SLX4: variants seen among roughly 807,000 people sequenced by gnomAD.
SLX4 encodes SLX4 structure-specific endonuclease subunit.
In SLX4, 112 loss-of-function variants were observed where a neutral mutation model predicts 146.2. The observed-to-expected ratio is 0.77, with a 90% CI of 0.66 to 0.90. The LOEUF (loss-of-function observed/expected upper bound fraction) is 0.90. Ranked by LOEUF, SLX4 falls within the 40% of genes least tolerant of loss-of-function variation. The pLI is 0.00. For synonymous variants in SLX4, 1,061 were observed against 997.7 expected (o/e 1.06, Z -1.20); for missense variants, 2,563 against 2,392.7 (o/e 1.07, Z -1.49).
At position 3,592,721 on chromosome 16, in the gene SLX4, C is replaced by G. The variant is rs150712805; in HGVS notation, c.2305G>C (p.Glu769Gln). The G allele has an allele frequency of 1.8e-3, 2,859 of 1,613,316 alleles. 3 individuals are homozygous for G. The highest frequency in any genetic ancestry group is 2.2e-3 in the Non-Finnish European group (2,608 of 1,179,988). Residue 769 changes from glutamate to glutamine, a missense_variant, in exon 11 of 15, where the codon GAG becomes CAG. Coordinates refer to ENST00000294008, the MANE Select transcript of SLX4 (RefSeq NM_032444.4). ...GACCTGTGGGCCAGGGAGCTCAGCT[C>G]AGAGCTAAGGCCAGGAGGAAGGCCA... is the stretch of plus-strand genomic sequence containing the variant. ...DTGLPPGLSSELSSLAHRFGV... is the reference protein window; with the variant it reads ...DTGLPPGLSSQLSSLAHRFGV...
At position 3,591,063 on chromosome 16, in the gene SLX4, C is replaced by T. The variant is rs1207222471; in HGVS notation, c.2575G>A (p.Ala859Thr). Residue 859 changes from alanine to threonine, a missense_variant, in exon 12 of 15, where the codon GCT becomes ACT. Transcript: ENST00000294008. ...AEMEEIYEFA[A>T]TQRKLLQEER... ...TCCTGGAGAAGCTTTCGCTGAGTAG[C>T]TGCAAATTCATAAATTTCTTCCATT... 1 of 1,614,186 alleles carries T rather than the reference C, an allele frequency of 6.2e-7. No homozygotes were observed. The highest frequency in any genetic ancestry group is 1.3e-5 in the African/African-American group (1 of 75,058).
At position 3,583,108 on chromosome 16, in the gene SLX4, C is replaced by T; in HGVS notation, c.5142G>A (p.Leu1714=). Residue 1714 remains leucine, a synonymous_variant, in exon 14 of 15, where the codon TTG becomes TTA. Transcript: ENST00000294008. Reference sequence around the variant, plus strand: ...ATCCATCCGGTTACCTCTGTGAGCTCAAGGAGCTGTCACTGCCATCCACAG... The same window carrying T: ...ATCCATCCGGTTACCTCTGTGAGCTTAAGGAGCTGTCACTGCCATCCACAG... ...ATSVDGSDSS[L]SSQSSSSCEF... 1.2e-6 allele frequency: 2 copies of T among 1,614,254 alleles called. No individual in the cohort carries two copies.
At chr16:3,601,786 T>C (rs2040729708) in intron 4 of SLX4, 1 of 359,548 alleles carries the variant, frequency 2.8e-6, no homozygotes. Context: ...TGTTGATTAG[T>C]GGTTGTCAGG....
intron 3 of SLX4, among the ~76,000 whole-genome samples, chr16:3,603,159 T>C (rs1372957944): frequency 1.3e-5 from 2 of 152,180 alleles, no homozygotes; most frequent in African/African-American, 4.8e-5. Flanking sequence ...GTCCAAGCGA[T>C]TCTCCTGCCT....
chr16:3,601,737 CTG>C (rs1490043832), intron 4 of SLX4: 7 of 324,094 alleles, frequency 2.2e-5, no homozygotes, highest in Non-Finnish European at 3.0e-5. Context: ...AAAAGGACAA[CTG>C]TGCAATTTCA....
chr16:3,602,805 A>G (rs1308191545), intron 3 of SLX4, among the ~76,000 whole-genome samples: 1 of 152,200 alleles, frequency 6.6e-6, no homozygotes, highest in Non-Finnish European at 1.5e-5. Context: ...ACCAGGGCAG[A>G]GTGAAATGCC....
chr16:3,609,917 A>T (rs183718808), intron 1 of SLX4, among the ~76,000 whole-genome samples: 3 of 152,286 alleles, frequency 2.0e-5, no homozygotes, highest in East Asian at 1.9e-4. Flanking sequence ...CTGATCTAAG[A>T]CCCCTGGCTG....
At chr16:3,593,337 G>T (rs576321445) in intron 10 of SLX4, among the ~76,000 whole-genome samples, 1 of 152,342 alleles carries the variant, frequency 6.6e-6, no homozygotes, top group Admixed American at 6.5e-5. Context: ...GCCTCCCAAA[G>T]TGCTGGGATT....
chr16:3,610,164 G>A (rs2040837450), intron 1 of SLX4, among the ~76,000 whole-genome samples: 2 of 152,182 alleles, frequency 1.3e-5, no homozygotes, highest in Non-Finnish European at 2.9e-5. Flanking sequence ...ATGACCCAAT[G>A]GCAGAAAGTT....
rs1369944514 is a variant in SLX4, at chr16:3,591,044, A to C, written c.2594T>G (p.Leu865Arg). Reference protein sequence around the residue: ...YEFAATQRKLLQEERAAGAGE... With the variant: ...YEFAATQRKLRQEERAAGAGE... ...GGCACCCGCTGCCCTTTCTTCCTGGAGAAGCTTTCGCTGAGTAGCTGCAAA... is the reference window on the plus strand; with the variant it reads ...GGCACCCGCTGCCCTTTCTTCCTGGCGAAGCTTTCGCTGAGTAGCTGCAAA... Residue 865 changes from leucine to arginine, a missense_variant, in exon 12 of 15, where the codon CTC becomes CGC. Leu to Arg is a moderately radical substitution (Grantham distance 102, BLOSUM62 -2). Coordinates refer to ENST00000294008, the MANE Select transcript of SLX4 (RefSeq NM_032444.4). 6 of 1,614,050 alleles carry C rather than the reference A, an allele frequency of 3.7e-6. No homozygotes were observed. The highest frequency in any genetic ancestry group is 5.1e-6 in the Non-Finnish European group (6 of 1,180,040).
intron 4 of SLX4, chr16:3,601,449 T>C (rs1596530120): frequency 7.7e-6 from 4 of 516,196 alleles, no homozygotes; most frequent in Admixed American, 3.2e-5. Flanking sequence ...CACTCCTAAG[T>C]AGAGACCCCA....
rs146582790 is a variant in SLX4, at chr16:3,608,830, A to G, written c.135T>C (p.Asp45=). 1 of 1,614,168 alleles carries G rather than the reference A, an allele frequency of 6.2e-7. No individual in the cohort carries two copies. Among genetic ancestry groups the G allele is most frequent in the Non-Finnish European group, 8.5e-7 (1 of 1,180,044 alleles). ...GTTCTTTAAAGTCCTCATCAGACTC[A>G]TCCATCATCTGACCAGTTTTAAGGC... ...PESLKTGQMM[D]ESDEDFKELC... The change falls in exon 2 of 15, where the codon GAT becomes GAC. Residue 45 remains aspartate, a synonymous_variant. Transcript: ENST00000294008.
In SLX4 at chr16:3,590,592, G is replaced by A. The variant is rs141412644; in HGVS notation, c.3046C>T (p.Leu1016=). 6 of 1,613,596 alleles carry A rather than the reference G, an allele frequency of 3.7e-6. No homozygotes were observed. Among genetic ancestry groups the A allele is most frequent in the Non-Finnish European group, 5.1e-6 (6 of 1,179,542 alleles). ...EQSGAVRERG[L]EVSHRLAPWQ... ...GGAGCCAGGCGATGAGAAACCTCCA[G>A]CCCCCTTTCCCTGACAGCGCCACTT... Residue 1016 remains leucine, a synonymous_variant, in exon 12 of 15, where the codon CTG becomes TTG. Transcript: ENST00000294008. This position sits in a 1 kb window ranked among gnomAD's most constrained non-coding sequence, Gnocchi z 4.8.
intron 11 of SLX4, among the ~76,000 whole-genome samples, chr16:3,592,161 AAGC>A: frequency 6.6e-6 from 1 of 152,340 alleles, no homozygotes; most frequent in East Asian, 1.9e-4. Context: ...TTTCCTAAGA[AAGC>A]AGCGGAGGGA....
chr16:3,597,514 C>T lies in SLX4; in HGVS notation c.1548G>A (p.Ala516=), dbSNP rs1339171992. Reference sequence around the variant, plus strand: ...GTTCAGGTGGAGGAGGACACTGGCCCGCTCTTTCCCACCCTTCCTTTAAAA... The same window carrying T: ...GTTCAGGTGGAGGAGGACACTGGCCTGCTCTTTCCCACCCTTCCTTTAAAA... ...SRILKEGWER[A]GQCPPPPERK... is the part of the protein sequence containing the mutation. The change falls in exon 7 of 15, where the codon GCG becomes GCA. Residue 516 remains alanine, a synonymous_variant. Transcript: ENST00000294008. The surrounding 1 kb of genome is among the most constrained non-coding windows in gnomAD (Gnocchi z 4.4). 11 of 1,614,016 alleles carry T rather than the reference C, an allele frequency of 6.8e-6. No homozygotes were observed. Among genetic ancestry groups the T allele is most frequent in the African/African-American group, 4.0e-5 (3 of 74,928 alleles).
At position 3,590,941 on chromosome 16, in the gene SLX4, C is replaced by T. The variant is rs1211562990; in HGVS notation, c.2697G>A (p.Gln899=). The change falls in exon 12 of 15, where the codon CAG becomes CAA. Residue 899 remains glutamine (Q), a synonymous_variant. Transcript: ENST00000294008. This position sits in a 1 kb window ranked among gnomAD's most constrained non-coding sequence, Gnocchi z 4.8. ...QLLAGVQVQK[Q]WDKVEEMEPL... ...GCTCCATCTCCTCCACCTTGTCCCA[C>T]TGTTTCTGCACCTGGACACCTGCTA... is the stretch of plus-strand genomic sequence containing the variant. The T allele has an allele frequency of 6.2e-7, 1 of 1,614,218 alleles. No homozygotes were observed. Among genetic ancestry groups the T allele is most frequent in the Non-Finnish European group, 8.5e-7 (1 of 1,180,044 alleles).
chr16:3,596,671 A>C (rs2040663370), intron 7 of SLX4, among the ~76,000 whole-genome samples: 1 of 152,232 alleles, frequency 6.6e-6, no homozygotes, highest in Admixed American at 6.5e-5. Flanking sequence ...AGGGGGGCCC[A>C]GGCCTGCCGC....
In SLX4 at chr16:3,608,494, T is replaced by G. The variant is rs755155050; in HGVS notation, c.471A>C (p.Ala157=). ...GCTGGTTACCCGTCTGGGTGTTTTG[T>G]GCTGTTTCCCGGAGCACAGGTGGAT... ...APDPPVLRET[A]QNTQTGNQQE... is the part of the protein sequence containing the mutation. Residue 157 remains alanine, a synonymous_variant, in exon 2 of 15, where the codon GCA becomes GCC. Coordinates refer to ENST00000294008, the MANE Select transcript of SLX4 (RefSeq NM_032444.4). 1 of 1,614,236 alleles carries G rather than the reference T, an allele frequency of 6.2e-7. No homozygotes were observed. Among genetic ancestry groups the G allele is most frequent in the South Asian group, 1.1e-5 (1 of 91,088 alleles).
chr16:3,599,331 C>T (rs774161900), intron 5 of SLX4, among the ~76,000 whole-genome samples: 2 of 152,186 alleles, frequency 1.3e-5, no homozygotes, highest in Non-Finnish European at 2.9e-5. Context: ...CTCCTGACAG[C>T]GGTCTCAAAC....
Sources: allele counts gnomAD v4.1 joint callset (sites outside exome capture counted in the v4.1 genomes callset), GRCh38; gene constraint gnomAD v4.1.1; non-coding constraint Gnocchi (gnomAD v3.1); transcripts MANE v1.5; gene names NCBI Gene and HGNC (gene_info 2026-07-23, HGNC 2026-07-21).